CADM2: variants seen among roughly 807,000 people sequenced by gnomAD.
CADM2 encodes immunoglobulin superfamily member 4D.
A neutral mutation model predicts 49.8 loss-of-function variants in CADM2; 12 were observed. The observed-to-expected ratio is 0.24, with a 90% CI of 0.15 to 0.39. The LOEUF is 0.39. Ranked by LOEUF, CADM2 falls within the 10% of genes least tolerant of loss-of-function variation. CADM2 has a pLI of 1.00. For synonymous variants in CADM2, 214 were observed against 175.4 expected, an observed-to-expected ratio of 1.22 and a Z score of -1.74; for missense variants, 378 against 492.3, an observed-to-expected ratio of 0.77 and a Z score of 2.20.
intron 6 of CADM2, among the ~76,000 whole-genome samples, chr3:85,923,027 G>A (rs898069373): frequency 3.4e-4 from 52 of 151,898 alleles, no homozygotes; most frequent in African/African-American, 1.2e-3. Flanking sequence ...GTTTCACCAT[G>A]TTAGCGAGGA....
At chr3:86,012,923 C>G (rs1559800534) in intron 8 of CADM2, 10 of 621,508 alleles carry the variant, frequency 1.6e-5, no homozygotes, top group Admixed American at 2.2e-5. Context: ...TGCAGTGAGC[C>G]GAGATCGCGC....
intron 1 of CADM2, among the ~76,000 whole-genome samples, chr3:85,191,631 T>G (rs1279102832): frequency 6.6e-6 from 1 of 152,108 alleles, no homozygotes; most frequent in African/African-American, 2.4e-5. Context: ...GCTCTAATTA[T>G]AAACACCATC....
At chr3:85,021,323 A>G (rs2034499524) in intron 1 of CADM2, among the ~76,000 whole-genome samples, 1 of 152,170 alleles carries the variant, frequency 6.6e-6, no homozygotes, top group Admixed American at 6.5e-5. Context: ...ACATCAACGA[A>G]CAAAACGAAA....
intron 8 of CADM2, among the ~76,000 whole-genome samples, chr3:86,051,264 A>T (rs1737309990): frequency 6.6e-6 from 1 of 152,158 alleles, no homozygotes; most frequent in Non-Finnish European, 1.5e-5. Flanking sequence ...TTCTTTGCTA[A>T]CACATAACTA....
At chr3:85,144,835 AAATAT>A (rs1332541052) in intron 1 of CADM2, among the ~76,000 whole-genome samples, 5 of 152,216 alleles carry the variant, frequency 3.3e-5, no homozygotes, top group Non-Finnish European at 7.3e-5. Flanking sequence ...CAAGATAGAT[AAATAT>A]AATCACAATG....
At chr3:85,703,783 T>G (rs2066855085) in intron 1 of CADM2, among the ~76,000 whole-genome samples, 1 of 152,138 alleles carries the variant, frequency 6.6e-6, no homozygotes, top group Non-Finnish European at 1.5e-5. Context: ...AATGTTTTTG[T>G]TTGTTTTCCT....
chr3:86,021,374 C>T (rs1733148150), intron 8 of CADM2, among the ~76,000 whole-genome samples: 1 of 151,950 alleles, frequency 6.6e-6, no homozygotes, highest in Non-Finnish European at 1.5e-5. Flanking sequence ...ATGTTGCTTC[C>T]CGGAGGAATA....
intron 1 of CADM2, among the ~76,000 whole-genome samples, chr3:85,253,427 C>T (rs2042817913): frequency 6.6e-6 from 1 of 151,792 alleles, no homozygotes; most frequent in Non-Finnish European, 1.5e-5. Context: ...TTATCTAGTC[C>T]CCTGGAAATC....
At chr3:85,497,234 T>C (rs997509662) in intron 1 of CADM2, among the ~76,000 whole-genome samples, 3 of 152,182 alleles carry the variant, frequency 2.0e-5, no homozygotes, top group African/African-American at 7.2e-5. Flanking sequence ...AGATTCTGAA[T>C]ATTAGTCCCT....
At chr3:85,867,282 C>T (rs926484919) in intron 3 of CADM2, among the ~76,000 whole-genome samples, 1 of 152,012 alleles carries the variant, frequency 6.6e-6, no homozygotes, top group Non-Finnish European at 1.5e-5. Context: ...GTGTCCTTTG[C>T]TGTTTTGTGT....
At chr3:85,494,849 A>G (rs2039821855) in intron 1 of CADM2, among the ~76,000 whole-genome samples, 1 of 152,196 alleles carries the variant, frequency 6.6e-6, no homozygotes, top group African/African-American at 2.4e-5. Flanking sequence ...GCATTGCTGT[A>G]ACTCCCTTGT....
At chr3:85,153,497 C>G (rs927754115) in intron 1 of CADM2, among the ~76,000 whole-genome samples, 1 of 152,216 alleles carries the variant, frequency 6.6e-6, no homozygotes, top group African/African-American at 2.4e-5. Context: ...AACAAAGCGG[C>G]AGCAAGGCTG....
At chr3:85,448,642 C>A (rs940535722) in intron 1 of CADM2, among the ~76,000 whole-genome samples, 1 of 152,012 alleles carries the variant, frequency 6.6e-6, no homozygotes, top group Non-Finnish European at 1.5e-5. Context: ...GCAACATAAT[C>A]ATTTCTAAGT....
At chr3:85,450,223 A>C (rs140945242) in intron 1 of CADM2, among the ~76,000 whole-genome samples, 7 of 152,220 alleles carry the variant, frequency 4.6e-5, no homozygotes, top group Non-Finnish European at 1.0e-4. Flanking sequence ...ATTTTTTTTT[A>C]ATTGTCACAT....
In CADM2 at chr3:84,989,314, T is replaced by G. The variant is rs2032756751; in HGVS notation, c.61+29646T>G. On this transcript the variant is annotated intron_variant, in intron 1 of 9. Transcript: ENST00000383699. ...CCTTTGGAACAGGTTTCATTATAGT[T>G]GACCTTAAACCTGCATAAGTTTCCC... Among the ~76,000 whole-genome samples, 3 of 152,324 alleles carry G rather than the reference T, an allele frequency of 2.0e-5. No homozygotes were observed. In the South Asian group the frequency reaches 6.2e-4, roughly 32 times the overall value.
intron 3 of CADM2, among the ~76,000 whole-genome samples, chr3:85,844,280 A>T (rs2074775292): frequency 6.6e-6 from 1 of 152,114 alleles, no homozygotes; most frequent in African/African-American, 2.4e-5. Flanking sequence ...CGATGGACTA[A>T]GTTTAGAGTT....
At chr3:85,946,359 G>A (rs1214155393) in intron 7 of CADM2, among the ~76,000 whole-genome samples, 1 of 151,442 alleles carries the variant, frequency 6.6e-6, no homozygotes, top group Non-Finnish European at 1.5e-5. Flanking sequence ...ACTGCCCAAG[G>A]TAATTTATAG....
At chr3:85,136,196 T>C (rs181907417) in intron 1 of CADM2, among the ~76,000 whole-genome samples, 11 of 152,032 alleles carry the variant, frequency 7.2e-5, no homozygotes, top group Admixed American at 5.9e-4. Flanking sequence ...TTTGAGGAAA[T>C]TGGAGTTCTA....
intron 3 of CADM2, among the ~76,000 whole-genome samples, chr3:85,832,533 T>A (rs2108233944): frequency 6.6e-6 from 1 of 152,046 alleles, no homozygotes; most frequent in African/African-American, 2.4e-5. Flanking sequence ...TTTCATCTCC[T>A]TGGTTAGATC....
Sources: allele counts gnomAD v4.1 joint callset (sites outside exome capture counted in the v4.1 genomes callset), GRCh38; gene constraint gnomAD v4.1.1; transcripts MANE v1.5; gene names NCBI Gene and HGNC (gene_info 2026-07-23, HGNC 2026-07-21).